MAP2K1: variants seen among roughly 807,000 people sequenced by gnomAD.
The protein encoded by MAP2K1 is mitogen-activated protein kinase kinase 1.
Under a neutral mutation model 46.3 loss-of-function variants are expected in MAP2K1, and 16 were observed. The observed-to-expected ratio is 0.35, with a 90% CI of 0.23 to 0.52. MAP2K1 has a LOEUF of 0.52. MAP2K1 is among the 20% of genes least tolerant of loss of function. The pLI, the probability that MAP2K1 is intolerant of heterozygous loss-of-function variation, is 0.94. For synonymous variants in MAP2K1, 183 were observed against 185.6 expected, an observed-to-expected ratio of 0.99 and a Z score of 0.11; for missense variants, 263 against 497.1, an observed-to-expected ratio of 0.53 and a Z score of 4.48.
intron 1 of MAP2K1, among the ~76,000 whole-genome samples, chr15:66,412,889 ATTATT>A (rs2093414782): frequency 6.6e-6 from 1 of 151,008 alleles, no homozygotes; most frequent in Non-Finnish European, 1.5e-5. Flanking sequence ...TATTTATTTT[ATTATT>A]TTATTATTAT....
chr15:66,407,107 C>G lies in MAP2K1; in HGVS notation c.80+19680C>G, dbSNP rs117744894. Among the ~76,000 whole-genome samples the G allele has an allele frequency of 4.7e-3, 721 of 152,248 alleles. 4 individuals are homozygous for G. The highest frequency in any genetic ancestry group is 0.01 in the Middle Eastern group (3 of 294). On this transcript the variant is annotated intron_variant, in intron 1 of 10. Coordinates refer to ENST00000307102, the MANE Select transcript of MAP2K1 (RefSeq NM_002755.4). Reference sequence around the variant, plus strand: ...AACATCACGGGGTTGGGGAGCAGAGCATCCAGAGGGCTCCGTGTATTGTTT... The same window carrying G: ...AACATCACGGGGTTGGGGAGCAGAGGATCCAGAGGGCTCCGTGTATTGTTT...
intron 1 of MAP2K1, among the ~76,000 whole-genome samples, chr15:66,388,377 C>CT (rs879431565): frequency 2.1e-4 from 32 of 152,044 alleles, no homozygotes; most frequent in Middle Eastern, 3.4e-3. Context: ...ATTTTTTTGC[C>CT]TTTTTTTGGT....
At chr15:66,466,461 T>G (rs1276585105) in intron 5 of MAP2K1, among the ~76,000 whole-genome samples, 1 of 151,948 alleles carries the variant, frequency 6.6e-6, no homozygotes, top group Non-Finnish European at 1.5e-5. Flanking sequence ...GGTGGATCAC[T>G]TGAGGTCAGG....
At chr15:66,477,951 A>T (rs1232951783) in intron 5 of MAP2K1, among the ~76,000 whole-genome samples, 3 of 152,128 alleles carry the variant, frequency 2.0e-5, no homozygotes, top group Admixed American at 2.0e-4. Flanking sequence ...CTGAGGGGCC[A>T]TGGGCATGGT....
chr15:66,390,271 C>T lies in MAP2K1; in HGVS notation c.80+2844C>T, dbSNP rs182382505. ...AGCACTAATGAGAGGGAAAGCTGTA[C>T]ACATCTTCATCTTTCACTTCTGAGA... On this transcript the variant is annotated intron_variant, in intron 1 of 10. Transcript: ENST00000307102. Among the ~76,000 whole-genome samples, 234 of 152,314 alleles carry T rather than the reference C, an allele frequency of 1.5e-3. 1 individual carries two copies. Among genetic ancestry groups the T allele is most frequent in the African/African-American group, 5.4e-3 (223 of 41,568 alleles).
At chr15:66,397,429 C>A (rs534256241) in intron 1 of MAP2K1, among the ~76,000 whole-genome samples, 1 of 152,074 alleles carries the variant, frequency 6.6e-6, no homozygotes, top group Non-Finnish European at 1.5e-5. Flanking sequence ...AGAGCATCAT[C>A]CAAAATAACA....
At position 66,413,005 on chromosome 15, in the gene MAP2K1, C is replaced by T. The variant is rs532576594; in HGVS notation, c.81-22022C>T. 3.1e-4 allele frequency among the ~76,000 whole-genome samples: 47 copies of T among 152,214 alleles called. No homozygotes were observed. The South Asian group carries it at 8.3e-3, about 27-fold the overall frequency. On this transcript the variant is annotated intron_variant, in intron 1 of 10. Transcript: ENST00000307102. ...CCACCTCCCAGGTTCAAGCAATTCT[C>T]GTGCCTCAGCCTCTAAAGTAGCTGG...
Position 66,386,928 on chromosome 15 carries a change from G to T in MAP2K1, c.-420G>T, listed in dbSNP as rs1036734788. Reference sequence around the variant, plus strand: ...CCGGCCTCCAGTCCCTCCCAGGGCCGCTTCGCAGAGCGGCTAGGAGCACGG... The same window carrying T: ...CCGGCCTCCAGTCCCTCCCAGGGCCTCTTCGCAGAGCGGCTAGGAGCACGG... On this transcript the variant is annotated 5_prime_UTR_variant, in exon 1 of 11. Transcript: ENST00000307102. The T allele has an allele frequency of 7.8e-5, 19 of 244,722 alleles. No individual in the cohort carries two copies. Among genetic ancestry groups the T allele is most frequent in the Non-Finnish European group, 1.1e-4 (14 of 126,852 alleles). 15.2% of individuals were successfully genotyped at this position (244,722 alleles called of 1,614,324 possible).
intron 1 of MAP2K1, among the ~76,000 whole-genome samples, chr15:66,393,180 C>G (rs1225547262): frequency 6.7e-6 from 1 of 149,830 alleles, no homozygotes; most frequent in Non-Finnish European, 1.5e-5. Flanking sequence ...CTTTCTCTCT[C>G]TCTTTTTTTT....
At chr15:66,395,235 T>C (rs1243417672) in intron 1 of MAP2K1, among the ~76,000 whole-genome samples, 2 of 152,190 alleles carry the variant, frequency 1.3e-5, no homozygotes, top group African/African-American at 4.8e-5. Context: ...AAATTAGGCA[T>C]AGTAAGAGAT....
chr15:66,462,737 G>A (rs1490462940), intron 5 of MAP2K1, among the ~76,000 whole-genome samples: 1 of 152,254 alleles, frequency 6.6e-6, no homozygotes, highest in African/African-American at 2.4e-5. Context: ...CTTCACAGAG[G>A]AGCTGGGAGC....
chr15:66,428,364 CAT>C (rs1362875058), intron 1 of MAP2K1, among the ~76,000 whole-genome samples: 1 of 148,018 alleles, frequency 6.8e-6, no homozygotes, highest in Non-Finnish European at 1.5e-5. Context: ...GGAATTGGCT[CAT>C]GTGATTATGG....
chr15:66,428,956 T>A (rs2093467496), intron 1 of MAP2K1, among the ~76,000 whole-genome samples: 1 of 151,872 alleles, frequency 6.6e-6, no homozygotes, highest in Non-Finnish European at 1.5e-5. Flanking sequence ...ATTTTTCTAT[T>A]TTTTGTAGAG....
chr15:66,445,323 C>T (rs573430480), intron 5 of MAP2K1, among the ~76,000 whole-genome samples: 41 of 152,052 alleles, frequency 2.7e-4, no homozygotes, highest in Non-Finnish European at 4.9e-4. Context: ...ACCTGGGAGG[C>T]GGAGGCTGTG....
intron 6 of MAP2K1, among the ~76,000 whole-genome samples, chr15:66,484,234 G>A (rs1892983664): frequency 6.6e-6 from 1 of 150,556 alleles, no homozygotes; most frequent in Non-Finnish European, 1.5e-5. Context: ...TGCAACCTCT[G>A]CCTCCCGGGT....
At chr15:66,471,087 G>T (rs535789269) in intron 5 of MAP2K1, among the ~76,000 whole-genome samples, 2 of 152,104 alleles carry the variant, frequency 1.3e-5, no homozygotes, top group Non-Finnish European at 2.9e-5. Context: ...CTCAGTGAGC[G>T]GAGGGATGGC....
chr15:66,437,032 C>CT (rs1468445180), intron 3 of MAP2K1, 140 bp downstream of exon 3: 4 of 908,856 alleles, frequency 4.4e-6, no homozygotes, highest in Non-Finnish European at 5.4e-6. Flanking sequence ...TCTGGGAAGT[C>CT]TAACTGTAGA....
chr15:66,446,390 G>A (rs940870142), intron 5 of MAP2K1: 18 of 151,886 alleles, frequency 1.2e-4, no homozygotes, highest in African/African-American at 3.5e-4. Context: ...AGCGAGCAGA[G>A]ACTGCGCACC....
At chr15:66,486,247 A>C (rs1893036035) in intron 7 of MAP2K1, among the ~76,000 whole-genome samples, 1 of 152,174 alleles carries the variant, frequency 6.6e-6, no homozygotes, top group African/African-American at 2.4e-5. Context: ...TGAGATATAG[A>C]ATTCACATAA....
Sources: gnomAD v4.1 joint callset for allele counts (sites outside exome capture counted in the v4.1 genomes callset) on GRCh38, gnomAD v4.1.1 for gene constraint, MANE v1.5 for transcripts, NCBI Gene and HGNC (gene_info 2026-07-23, HGNC 2026-07-21) for gene names.